BCAS3: variants seen among roughly 807,000 people sequenced by gnomAD.
BCAS3 encodes BCAS4/BCAS3 fusion.
Under a neutral mutation model 116.1 loss-of-function variants are expected in BCAS3, and 53 were observed. That is an observed-to-expected ratio of 0.46 (90% CI 0.37 to 0.57). The LOEUF is 0.57. BCAS3 is among the 20% of genes least tolerant of loss of function. The pLI, the probability that BCAS3 is intolerant of heterozygous loss-of-function variation, is 0.00. For missense variants in BCAS3, 917 were observed against 1,165.4 expected (o/e 0.79, Z 3.10); for synonymous variants, 391 against 408.2 (o/e 0.96, Z 0.51).
intron 4 of BCAS3, among the ~76,000 whole-genome samples, chr17:60,707,221 G>A (rs967548045): frequency 2.0e-5 from 3 of 151,986 alleles, no homozygotes; most frequent in Non-Finnish European, 2.9e-5. Context: ...TCGAATTCCC[G>A]ACCTCAGGTG....
intron 22 of BCAS3, among the ~76,000 whole-genome samples, chr17:61,210,259 T>A (rs1243272272): frequency 6.6e-6 from 1 of 152,216 alleles, no homozygotes; most frequent in African/African-American, 2.4e-5. Flanking sequence ...GTTAATGTCA[T>A]CCTGTCATGC....
rs150369114 is a variant in BCAS3 at position 61,352,938 on chromosome 17, C to T, written c.2426-15389C>T. ...TTTGCTTTAATGGAGTGTTAACCCC[C>T]GTCGCTGGAACTCATGTTAATGCCT... is the stretch of plus-strand genomic sequence containing the variant. On this transcript the variant is annotated intron_variant, in intron 22 of 23. Coordinates refer to ENST00000407086, the MANE Select transcript of BCAS3 (RefSeq NM_017679.5). The surrounding 1 kb of genome is among the most constrained non-coding windows in gnomAD (Gnocchi z 4.7). Among the ~76,000 whole-genome samples, 4 of 152,206 alleles carry T rather than the reference C, an allele frequency of 2.6e-5. No individual in the cohort carries two copies. The highest frequency in any genetic ancestry group is 2.1e-4 in the South Asian group (1 of 4,824).
chr17:61,124,820 G>A lies in BCAS3; in HGVS notation c.2425+40256G>A, dbSNP rs2075971800. Among the ~76,000 whole-genome samples the A allele has an allele frequency of 6.6e-6, 1 of 152,132 alleles. No individual in the cohort carries two copies. Among genetic ancestry groups the A allele is most frequent in the Admixed American group, 6.5e-5 (1 of 15,270 alleles). On this transcript the variant is annotated intron_variant, in intron 22 of 23. Transcript: ENST00000407086. The surrounding 1 kb of genome is among the most constrained non-coding windows in gnomAD (Gnocchi z 4.6). ...CAGATGATTTTCTGTGTTAGAAGAT[G>A]CTATCGGCTCACCTGGCCTCTTAGT...
At chr17:60,976,020 C>CTTTTTTTTTTCTTTTTT (rs2062329086) in intron 14 of BCAS3, among the ~76,000 whole-genome samples, 1 of 98,286 alleles carries the variant, frequency 1.0e-5, no homozygotes, top group African/African-American at 4.2e-5. Context: ...TAGATTTTTG[C>CTTTTTTTTTTCTTTTTT]TTTTTTTTTT....
chr17:61,156,172 A>T lies in BCAS3; in HGVS notation c.2425+71608A>T, dbSNP rs79482507. Among the ~76,000 whole-genome samples, 3 of 93,018 alleles carry T rather than the reference A, an allele frequency of 3.2e-5. No individual in the cohort carries two copies. The highest frequency in any genetic ancestry group is 7.0e-5 in the Non-Finnish European group (3 of 43,128). The allele number at this position is 93,018 out of a possible 152,430, so 61.0% of individuals were successfully genotyped here. ...AGAAAGACAGTCAGCCAGACACATT[A>T]AAAAAAAAAAAAAGAAAAGTAAAAT... On this transcript the variant is annotated intron_variant, in intron 22 of 23. Transcript: ENST00000407086. This position sits in a 1 kb window ranked among gnomAD's most constrained non-coding sequence, Gnocchi z 4.7.
At chr17:61,062,545 T>G (rs2070172556) in intron 19 of BCAS3, among the ~76,000 whole-genome samples, 1 of 152,222 alleles carries the variant, frequency 6.6e-6, no homozygotes, top group Non-Finnish European at 1.5e-5. Flanking sequence ...TCAAATGAGT[T>G]GCACTAGTGT....
intron 6 of BCAS3, among the ~76,000 whole-genome samples, chr17:60,770,745 A>C (rs1832975065): frequency 6.7e-6 from 1 of 150,154 alleles, no homozygotes; most frequent in South Asian, 2.1e-4. Flanking sequence ...TTGAAGTGTG[A>C]ATATTTACTT....
intron 6 of BCAS3, among the ~76,000 whole-genome samples, chr17:60,761,123 T>C (rs2043484369): frequency 2.0e-5 from 3 of 152,222 alleles, no homozygotes; most frequent in Non-Finnish European, 2.9e-5. Context: ...ATTGTTTTTC[T>C]GATTTTTCTG....
intron 6 of BCAS3, among the ~76,000 whole-genome samples, chr17:60,749,907 C>T (rs1416718374): frequency 6.6e-6 from 1 of 152,170 alleles, no homozygotes; most frequent in Non-Finnish European, 1.5e-5. Context: ...GTGGTTCATG[C>T]CTGTAATCCC....
At chr17:60,689,970 G>A (rs1384413332) in intron 4 of BCAS3, among the ~76,000 whole-genome samples, 1 of 152,168 alleles carries the variant, frequency 6.6e-6, no homozygotes, top group Non-Finnish European at 1.5e-5. Context: ...CAGTGTGTAA[G>A]TGTTAAACTT....
intron 6 of BCAS3, among the ~76,000 whole-genome samples, chr17:60,755,752 T>A (rs1278155742): frequency 6.6e-6 from 1 of 152,232 alleles, no homozygotes; most frequent in African/African-American, 2.4e-5. Context: ...ATTACTTATT[T>A]AAGCAACCTT....
rs1170059574 is a variant in BCAS3 at position 61,325,803 on chromosome 17, C to G, written c.2426-42524C>G. 1.3e-5 allele frequency among the ~76,000 whole-genome samples: 2 copies of G among 152,090 alleles called. No homozygotes were observed. The highest frequency in any genetic ancestry group is 6.5e-5 in the Admixed American group (1 of 15,274). ...AATGAGTGTCTCCATTTTTCCTGGT[C>G]TTGGTGGCAAGATAAACAGGATAGG... On this transcript the variant is annotated intron_variant, in intron 22 of 23. Transcript: ENST00000407086. The surrounding 1 kb of genome is among the most constrained non-coding windows in gnomAD (Gnocchi z 6.4).
At position 61,211,841 on chromosome 17, in the gene BCAS3, C is replaced by G. The variant is rs1348718030; in HGVS notation, c.2425+127277C>G. On this transcript the variant is annotated intron_variant, in intron 22 of 23. Coordinates refer to ENST00000407086, the MANE Select transcript of BCAS3 (RefSeq NM_017679.5). The surrounding 1 kb of genome is among the most constrained non-coding windows in gnomAD (Gnocchi z 4.4). ...ATATTTCAGGCATAGACTTGGAGAG[C>G]AAGCTGCCCACCAGGGCAGGGCCTT... is the stretch of plus-strand genomic sequence containing the variant. Among the ~76,000 whole-genome samples, 2 of 152,304 alleles carry G rather than the reference C, an allele frequency of 1.3e-5. No individual in the cohort carries two copies. Among genetic ancestry groups the G allele is most frequent in the African/African-American group, 4.8e-5 (2 of 41,566 alleles).
rs980684491 is a variant in BCAS3 at position 61,136,487 on chromosome 17, G to A, written c.2425+51923G>A. Among the ~76,000 whole-genome samples, 1 of 152,162 alleles carries A rather than the reference G, an allele frequency of 6.6e-6. No homozygotes were observed. Among genetic ancestry groups the A allele is most frequent in the Non-Finnish European group, 1.5e-5 (1 of 68,034 alleles). On this transcript the variant is annotated intron_variant, in intron 22 of 23. Transcript: ENST00000407086. This position sits in a 1 kb window ranked among gnomAD's most constrained non-coding sequence, Gnocchi z 4.4. ...TTAGCAGAACCCCTGGCCTCTACCC[G>A]TTAGATAGCAGCACGCCCCCTTCCC...
At chr17:61,277,039 G>C (rs1417683974) in intron 22 of BCAS3, among the ~76,000 whole-genome samples, 1 of 152,044 alleles carries the variant, frequency 6.6e-6, no homozygotes, top group African/African-American at 2.4e-5. Context: ...AAGGCAGGAG[G>C]ATCACTTGAG....
In BCAS3 at chr17:61,095,512, G is replaced by T. The variant is rs186478574; in HGVS notation, c.2425+10948G>T. Among the ~76,000 whole-genome samples, 1 of 152,142 alleles carries T rather than the reference G, an allele frequency of 6.6e-6. No individual in the cohort carries two copies. The highest frequency in any genetic ancestry group is 1.9e-4 in the East Asian group (1 of 5,166). ...TGAGACAACCTCACTTTGTCATCCA[G>T]GTTGGAGTGTGGTGGTGCAATCTCG... On this transcript the variant is annotated intron_variant, in intron 22 of 23. Transcript: ENST00000407086. This position sits in a 1 kb window ranked among gnomAD's most constrained non-coding sequence, Gnocchi z 4.7.
At chr17:60,792,142 A>G (rs1241171990) in intron 6 of BCAS3, among the ~76,000 whole-genome samples, 1 of 152,080 alleles carries the variant, frequency 6.6e-6, no homozygotes, top group African/African-American at 2.4e-5. Flanking sequence ...AAACAAACAA[A>G]CAAAAATCCC....
intron 22 of BCAS3, among the ~76,000 whole-genome samples, chr17:61,291,761 G>A (rs979755863): frequency 6.6e-6 from 1 of 152,170 alleles, no homozygotes; most frequent in Admixed American, 6.5e-5. Flanking sequence ...GCTGGAAATG[G>A]ATTTGGAGTT....
At chr17:61,174,944 G>A (rs1009147367) in intron 22 of BCAS3, among the ~76,000 whole-genome samples, 6 of 152,152 alleles carry the variant, frequency 3.9e-5, no homozygotes, top group African/African-American at 7.2e-5. Flanking sequence ...ATCACAGTTC[G>A]ATATGTACTT....
Sources: allele counts gnomAD v4.1 joint callset (sites outside exome capture counted in the v4.1 genomes callset), GRCh38; gene constraint gnomAD v4.1.1; non-coding constraint Gnocchi (gnomAD v3.1); transcripts MANE v1.5; gene names NCBI Gene and HGNC (gene_info 2026-07-23, HGNC 2026-07-21).